JADE3: variants seen among roughly 807,000 people sequenced by gnomAD.
JADE3 encodes jade family PHD finger 3.
Under a neutral mutation model 50.1 loss-of-function variants are expected in JADE3, and 2 were observed. The ratio of observed to expected loss-of-function variants is 0.04; its 90% CI spans 0.02 to 0.13. The LOEUF (loss-of-function observed/expected upper bound fraction) is 0.13, where lower values mean the gene tolerates loss of function less well. Among genes scored for constraint, JADE3 ranks in the 10% least tolerant of loss-of-function variants. JADE3 has a pLI of 1.00. For synonymous variants in JADE3, 218 were observed against 232.9 expected (o/e 0.94, Z 0.58); for missense variants, 475 against 634.4 (o/e 0.75, Z 2.70).
chrX:47,047,479 G>A (rs1237243444), intron 8 of JADE3, among the ~76,000 whole-genome samples: 2 of 109,560 alleles, frequency 1.8e-5, no homozygotes, highest in Non-Finnish European at 3.8e-5. Flanking sequence ...CCCAGGAGAG[G>A]CAGAGGTTGC....
At chrX:47,022,110 C>T (rs1556364591) in intron 4 of JADE3, among the ~76,000 whole-genome samples, 5 of 112,020 alleles carry the variant, frequency 4.5e-5, no homozygotes, top group Non-Finnish European at 9.4e-5. Flanking sequence ...GAATTTGAGG[C>T]GATTGAGATG....
At chrX:47,032,155 A>C (rs1929032608) in intron 6 of JADE3, among the ~76,000 whole-genome samples, 1 of 111,782 alleles carries the variant, frequency 8.9e-6, no homozygotes, top group African/African-American at 3.3e-5. Flanking sequence ...CTGCCTGTCC[A>C]AGTCAGAAGC....
intron 3 of JADE3, among the ~76,000 whole-genome samples, chrX:46,994,066 CTT>C (rs1175032338): frequency 3.6e-5 from 4 of 111,979 alleles, no homozygotes; most frequent in African/African-American, 1.3e-4. Context: ...CAGTGTTACT[CTT>C]TGTGTCATAC....
intron 1 of JADE3, among the ~76,000 whole-genome samples, chrX:46,966,087 AT>A (rs1927359370): frequency 8.9e-6 from 1 of 112,101 alleles, no homozygotes; most frequent in South Asian, 3.7e-4. Flanking sequence ...TTGGAAGATT[AT>A]TTTAGAGGTT....
At chrX:47,046,507 G>A (rs1455078672) in intron 8 of JADE3, among the ~76,000 whole-genome samples, 1 of 111,641 alleles carries the variant, frequency 9.0e-6, no homozygotes, top group Admixed American at 9.5e-5. Context: ...AGAAGAGAAG[G>A]GAATACTTTT....
chrX:47,029,714 A>C (rs1219239654), intron 6 of JADE3, among the ~76,000 whole-genome samples: 2 of 112,026 alleles, frequency 1.8e-5, no homozygotes, highest in African/African-American at 6.5e-5. Flanking sequence ...ACCTTTAACA[A>C]AGTGAATTTT....
chrX:47,031,118 G>A (rs1929009619), intron 6 of JADE3, among the ~76,000 whole-genome samples: 1 of 111,076 alleles, frequency 9.0e-6, no homozygotes, highest in Non-Finnish European at 1.9e-5. Flanking sequence ...TCTTATGACT[G>A]TGAGTAAGTC....
intron 1 of JADE3, among the ~76,000 whole-genome samples, chrX:46,969,575 G>A (rs781809541): frequency 4.9e-4 from 55 of 112,030 alleles, no homozygotes; most frequent in Admixed American, 1.3e-3. Context: ...AGTGGCTCAC[G>A]CCTGTAATCC....
At chrX:47,043,751 G>A (rs1210214739) in intron 8 of JADE3, among the ~76,000 whole-genome samples, 1 of 107,802 alleles carries the variant, frequency 9.3e-6, no homozygotes, top group African/African-American at 3.4e-5. Context: ...CCTGGGAGGC[G>A]GAGCTTGCAG....
chrX:46,960,070 A>G (rs1367974124), intron 1 of JADE3, among the ~76,000 whole-genome samples: 2 of 110,958 alleles, frequency 1.8e-5, no homozygotes, highest in African/African-American at 6.6e-5. Flanking sequence ...TCTCCCAAGA[A>G]GCAGTCCTCA....
chrX:46,921,487 A>AT (rs782314499), intron 1 of JADE3, among the ~76,000 whole-genome samples: 72 of 110,596 alleles, frequency 6.5e-4, no homozygotes, highest in African/African-American at 1.4e-3. Context: ...ATGTTGTAGG[A>AT]TTTTTTTTTA....
At chrX:47,023,487 C>T in intron 4 of JADE3, among the ~76,000 whole-genome samples, 1 of 111,810 alleles carries the variant, frequency 8.9e-6, no homozygotes, top group Non-Finnish European at 1.9e-5. Context: ...TGAATATGTA[C>T]CACATTTTCT....
intron 3 of JADE3, among the ~76,000 whole-genome samples, chrX:46,986,430 G>C (rs1927865261): frequency 8.9e-6 from 1 of 112,108 alleles, no homozygotes; most frequent in Non-Finnish European, 1.9e-5. Flanking sequence ...ATTTCATTTT[G>C]TGATTTCAAT....
chrX:46,999,199 T>G (rs1453079632), intron 4 of JADE3, among the ~76,000 whole-genome samples: 1 of 109,198 alleles, frequency 9.2e-6, no homozygotes, highest in Non-Finnish European at 1.9e-5. Context: ...TGAGAATTAA[T>G]TCACTCCTGC....
intron 5 of JADE3, among the ~76,000 whole-genome samples, chrX:47,027,411 A>G (rs953862363): frequency 1.8e-5 from 2 of 112,355 alleles, no homozygotes; most frequent in African/African-American, 6.5e-5. Context: ...TGGGCTTCAT[A>G]CATTTTTATA....
intron 3 of JADE3, among the ~76,000 whole-genome samples, chrX:46,992,359 A>G (rs1928034704): frequency 2.9e-5 from 2 of 68,146 alleles, no homozygotes; most frequent in Admixed American, 4.2e-4. Flanking sequence ...AAAGCTTGCA[A>G]GCGGGTGGGA....
rs782613548 is a variant in JADE3, at chrX:47,021,469, G to A, written c.285-3255G>A. ...CACTTTTGCTAAGTATATACCTAGT[G>A]TGGGTTTGCTAGGTCATGGGTATGT... On this transcript the variant is annotated intron_variant, in intron 4 of 10. Coordinates refer to ENST00000614628, the MANE Select transcript of JADE3 (RefSeq NM_014735.5). Among the ~76,000 whole-genome samples, 9 of 111,147 alleles carry A rather than the reference G, an allele frequency of 8.1e-5. No individual in the cohort carries two copies. In the South Asian group the frequency reaches 1.9e-3, roughly 23 times the overall value.
chrX:46,919,802 C>A (rs1556337324), intron 1 of JADE3, among the ~76,000 whole-genome samples: 2 of 111,198 alleles, frequency 1.8e-5, no homozygotes, highest in Non-Finnish European at 3.8e-5. Context: ...TTCTTCTTTC[C>A]TCCTAGGATA....
At chrX:47,004,281 G>A (rs1329594330) in intron 4 of JADE3, among the ~76,000 whole-genome samples, 1 of 111,603 alleles carries the variant, frequency 9.0e-6, no homozygotes, top group Non-Finnish European at 1.9e-5. Flanking sequence ...TATAAAATTA[G>A]TTGGGAAATA....
Sources: allele counts gnomAD v4.1 joint callset (sites outside exome capture counted in the v4.1 genomes callset), GRCh38; gene constraint gnomAD v4.1.1; transcripts MANE v1.5; gene names NCBI Gene and HGNC (gene_info 2026-07-23, HGNC 2026-07-21).